Variants in SATL1 observed in about 807,000 individuals in gnomAD.
SATL1 encodes spermidine/spermine N1-acetyl transferase like 1.
In SATL1, 47 loss-of-function variants were observed where a neutral mutation model predicts 51.8. The observed-to-expected ratio is 0.91, with a 90% CI of 0.72 to 1.16. The LOEUF is 1.16. SATL1 is among the 50% of genes most tolerant of loss of function. The pLI is 0.00. For missense variants in SATL1, 520 were observed against 526.4 expected (o/e 0.99, Z 0.12); for synonymous variants, 176 against 182.4 (o/e 0.97, Z 0.28).
At chrX:85,229,488 C>T (rs1193306629) in intron 1 of SATL1, among the ~76,000 whole-genome samples, 1 of 111,344 alleles carries the variant, frequency 9.0e-6, no homozygotes, top group Non-Finnish European at 1.9e-5. Context: ...GGATTCATCC[C>T]TCATATGCAA....
At chrX:85,150,745 G>C (rs1162353717) in intron 2 of SATL1, among the ~76,000 whole-genome samples, 3 of 110,415 alleles carry the variant, frequency 2.7e-5, no homozygotes, top group African/African-American at 9.9e-5. Context: ...TGCAGAAAAG[G>C]CGTTTGACAA....
chrX:85,128,565 A>AGAT (rs1925690516), intron 2 of SATL1, among the ~76,000 whole-genome samples: 2 of 112,223 alleles, frequency 1.8e-5, no homozygotes, highest in South Asian at 7.4e-4. Flanking sequence ...TCAGATGAGT[A>AGAT]GATTGCAAAA....
At chrX:85,095,698 C>T (rs974120219) in intron 4 of SATL1, among the ~76,000 whole-genome samples, 8 of 104,464 alleles carry the variant, frequency 7.7e-5, no homozygotes, top group East Asian at 6.0e-4. Flanking sequence ...TAGTGGCGCG[C>T]GCCTGTAGTC....
chrX:85,156,482 G>A (rs887971700), intron 2 of SATL1: 3 of 110,258 alleles, frequency 2.7e-5, no homozygotes, highest in Non-Finnish European at 3.8e-5. Context: ...GAAATGCCTC[G>A]GAGAAACAAA....
At chrX:85,101,613 C>T (rs1924895145) in intron 4 of SATL1, among the ~76,000 whole-genome samples, 1 of 111,546 alleles carries the variant, frequency 9.0e-6, no homozygotes, top group African/African-American at 3.3e-5. Flanking sequence ...TTGTGGAAAA[C>T]AGTATGGAAG....
intron 2 of SATL1, among the ~76,000 whole-genome samples, chrX:85,151,039 G>C (rs1926418632): frequency 9.1e-6 from 1 of 110,257 alleles, no homozygotes; most frequent in East Asian, 2.8e-4. Flanking sequence ...CCTGTTTGCA[G>C]ATGACATGAT....
chrX:85,129,859 T>A (rs56094140), intron 2 of SATL1, among the ~76,000 whole-genome samples: 21 of 110,132 alleles, frequency 1.9e-4, no homozygotes, highest in Middle Eastern at 4.8e-3. Flanking sequence ...AGCATGAAGG[T>A]CTGTTGAATT....
rs368734320 is a variant in SATL1 at position 85,092,523 on chromosome X, A to G, written c.1956T>C (p.Leu652=). Residue 652 remains leucine (L), a synonymous_variant, in exon 8 of 8, where the codon CTT becomes CTC. Transcript: ENST00000644105. Reference sequence around the variant, plus strand: ...TAGAAGCCTGGTTCCAAATGACGACAAGAAAGTGCATGCAGTTACATTGAG... The same window carrying G: ...TAGAAGCCTGGTTCCAAATGACGACGAGAAAGTGCATGCAGTTACATTGAG... ...ITTQCNCMHF[L]VVIWNQASIN... 6.6e-6 allele frequency: 8 copies of G among 1,208,782 alleles called. No homozygotes were observed. Among genetic ancestry groups the G allele is most frequent in the Non-Finnish European group, 8.9e-6 (8 of 894,167 alleles).
intron 2 of SATL1, among the ~76,000 whole-genome samples, chrX:85,145,762 T>C (rs184066545): frequency 6.3e-5 from 7 of 111,717 alleles, no homozygotes; most frequent in African/African-American, 2.0e-4. Context: ...CAGTATGCCA[T>C]AATATAGTAG....
chrX:85,153,787 G>T (rs1926524004), intron 2 of SATL1: 1 of 111,330 alleles, frequency 9.0e-6, no homozygotes, highest in South Asian at 3.8e-4. Flanking sequence ...ACCAACTCTG[G>T]AGTACTCTGG....
At chrX:85,180,159 A>G (rs1927170744) in intron 2 of SATL1, among the ~76,000 whole-genome samples, 1 of 111,430 alleles carries the variant, frequency 9.0e-6, no homozygotes, top group South Asian at 3.7e-4. Flanking sequence ...GGATTTAAAT[A>G]GTCAGCTTTT....
At chrX:85,111,765 C>A (rs1156356081) in intron 2 of SATL1, among the ~76,000 whole-genome samples, 1 of 112,012 alleles carries the variant, frequency 8.9e-6, no homozygotes, top group African/African-American at 3.2e-5. Context: ...AATGTACATG[C>A]ATTGTCTGCT....
chrX:85,170,528 G>A (rs773772709), intron 2 of SATL1, among the ~76,000 whole-genome samples: 53 of 111,617 alleles, frequency 4.7e-4, no homozygotes, highest in Non-Finnish European at 8.5e-4. Context: ...AATGTCCACA[G>A]CAGGAAAGAA....
At chrX:85,126,586 T>A (rs1055351942) in intron 2 of SATL1, among the ~76,000 whole-genome samples, 3 of 111,450 alleles carry the variant, frequency 2.7e-5, no homozygotes, top group African/African-American at 9.8e-5. Flanking sequence ...CTAGCCCTAC[T>A]GATCTTCTTT....
intron 2 of SATL1, among the ~76,000 whole-genome samples, chrX:85,175,149 G>C (rs1253842510): frequency 9.0e-6 from 1 of 111,440 alleles, no homozygotes; most frequent in Non-Finnish European, 1.9e-5. Flanking sequence ...TGTTAGTAGT[G>C]AAATTTGTTG....
intron 1 of SATL1, among the ~76,000 whole-genome samples, chrX:85,229,396 C>G (rs939081709): frequency 9.0e-6 from 1 of 111,379 alleles, no homozygotes; most frequent in East Asian, 2.8e-4. Flanking sequence ...CCTTGATTAA[C>G]AAAGAGGCAA....
intron 2 of SATL1, among the ~76,000 whole-genome samples, chrX:85,133,622 C>T (rs1159929541): frequency 8.9e-6 from 1 of 111,869 alleles, no homozygotes; most frequent in Non-Finnish European, 1.9e-5. Context: ...GAGGCAATGC[C>T]CCACCCTGCT....
intron 2 of SATL1, among the ~76,000 whole-genome samples, chrX:85,199,746 T>C (rs890062320): frequency 5.4e-5 from 6 of 111,557 alleles, no homozygotes; most frequent in Non-Finnish European, 9.4e-5. Flanking sequence ...CTCATGGAGA[T>C]AGAGTGTAGA....
At chrX:85,189,231 A>G (rs987505998) in intron 2 of SATL1, among the ~76,000 whole-genome samples, 4 of 111,759 alleles carry the variant, frequency 3.6e-5, no homozygotes, top group African/African-American at 1.3e-4. Flanking sequence ...CCATAGCAAC[A>G]GTCAAACTCC....
Sources: allele counts gnomAD v4.1 joint callset (sites outside exome capture counted in the v4.1 genomes callset), GRCh38; gene constraint gnomAD v4.1.1; transcripts MANE v1.5; gene names NCBI Gene and HGNC (gene_info 2026-07-23, HGNC 2026-07-21).